The following VWC2 variants were observed in gnomAD, a reference collection of about 807,000 sequenced individuals.
VWC2 encodes von Willebrand factor C domain containing 2, also known as brorin.
VWC2 carries 14 observed loss-of-function variants against 29.8 expected under a neutral mutation model. The ratio of observed to expected loss-of-function variants is 0.47; its 90% CI spans 0.31 to 0.74. The LOEUF (loss-of-function observed/expected upper bound fraction) is 0.74. Among genes scored for constraint, VWC2 ranks in the 30% least tolerant of loss-of-function variants. The pLI, the probability that VWC2 is intolerant of heterozygous loss-of-function variation, is 0.05. For synonymous variants in VWC2, 213 were observed against 199.0 expected, an observed-to-expected ratio of 1.07 and a Z score of -0.59; for missense variants, 457 against 459.8, an observed-to-expected ratio of 0.99 and a Z score of 0.05.
intron 3 of VWC2, among the ~76,000 whole-genome samples, chr7:49,826,331 G>A (rs1437260158): frequency 2.0e-5 from 3 of 152,004 alleles, no homozygotes; most frequent in Admixed American, 2.0e-4. Flanking sequence ...ATAAAATTTT[G>A]TATCCAAAAA....
At chr7:49,801,117 G>A (rs1788727624) in intron 2 of VWC2, among the ~76,000 whole-genome samples, 1 of 152,136 alleles carries the variant, frequency 6.6e-6, no homozygotes, top group Non-Finnish European at 1.5e-5. Context: ...AAAGAGACAT[G>A]GTTAAACTCC....
intron 2 of VWC2, among the ~76,000 whole-genome samples, chr7:49,789,126 TG>T (rs1788394006): frequency 1.4e-5 from 2 of 144,814 alleles, no homozygotes; most frequent in Admixed American, 6.9e-5. Flanking sequence ...GTGTAGTGTG[TG>T]TGTGAATGGA....
At chr7:49,807,985 A>C (rs746934997) in intron 3 of VWC2, among the ~76,000 whole-genome samples, 17 of 152,074 alleles carry the variant, frequency 1.1e-4, no homozygotes, top group Non-Finnish European at 2.1e-4. Flanking sequence ...CATTTTCCCA[A>C]TTCCTCTGGT....
chr7:49,794,029 G>C (rs1290032789), intron 2 of VWC2, among the ~76,000 whole-genome samples: 1 of 152,216 alleles, frequency 6.6e-6, no homozygotes, highest in Admixed American at 6.5e-5. Context: ...AATCAGAGGG[G>C]CTAAGCAGAG....
At chr7:49,835,373 T>C (rs1789632942) in intron 3 of VWC2, among the ~76,000 whole-genome samples, 1 of 152,320 alleles carries the variant, frequency 6.6e-6, no homozygotes, top group Non-Finnish European at 1.5e-5. Flanking sequence ...TTTAAGCTAG[T>C]GACACATGTG....
intron 3 of VWC2, among the ~76,000 whole-genome samples, chr7:49,905,088 C>T (rs1380125542): frequency 6.6e-6 from 1 of 152,178 alleles, no homozygotes; most frequent in African/African-American, 2.4e-5. Flanking sequence ...AGCTAAAAAT[C>T]ACTTAAGATG....
intron 3 of VWC2, among the ~76,000 whole-genome samples, chr7:49,867,835 A>AT (rs1229317602): frequency 0.012 from 1,018 of 82,054 alleles, 3 homozygotes; most frequent in Non-Finnish European, 0.022. Context: ...TTATTTTATT[A>AT]TTTTATTTTA....
chr7:49,867,943 C>T (rs1171414981), intron 3 of VWC2, among the ~76,000 whole-genome samples: 5 of 151,930 alleles, frequency 3.3e-5, no homozygotes, highest in African/African-American at 9.7e-5. Flanking sequence ...AAGCAATTCT[C>T]CTGTCTCAGC....
chr7:49,820,567 C>T (rs1003351659), intron 3 of VWC2, among the ~76,000 whole-genome samples: 11 of 152,152 alleles, frequency 7.2e-5, no homozygotes, highest in Admixed American at 1.3e-4. Flanking sequence ...AGTCTTTGAA[C>T]TAAGTACTCT....
chr7:49,785,991 T>C (rs552631340), intron 2 of VWC2, among the ~76,000 whole-genome samples: 130 of 152,292 alleles, frequency 8.5e-4, no homozygotes, highest in Non-Finnish European at 1.6e-3. Flanking sequence ...GGGGGCAACA[T>C]TGTTTGCCTT....
chr7:49,842,567 G>A (rs770335614), intron 3 of VWC2, among the ~76,000 whole-genome samples: 14 of 152,152 alleles, frequency 9.2e-5, no homozygotes, highest in Non-Finnish European at 1.6e-4. Flanking sequence ...CCTGTAGGAT[G>A]CTTCCAGAAA....
At chr7:49,882,391 T>C (rs868022806) in intron 3 of VWC2, among the ~76,000 whole-genome samples, 1 of 152,298 alleles carries the variant, frequency 6.6e-6, no homozygotes, top group Middle Eastern at 3.4e-3. Context: ...AACCATCCAC[T>C]GTCTTTATTT....
intron 2 of VWC2, among the ~76,000 whole-genome samples, chr7:49,780,867 C>CAATGG (rs1788158932): frequency 6.6e-6 from 1 of 152,132 alleles, no homozygotes; most frequent in African/African-American, 2.4e-5. Flanking sequence ...ATCTGACTTG[C>CAATGG]CATTAACCCC....
intron 3 of VWC2, among the ~76,000 whole-genome samples, chr7:49,835,001 C>G (rs1340548629): frequency 6.6e-6 from 1 of 152,182 alleles, no homozygotes; most frequent in African/African-American, 2.4e-5. Context: ...ACACAGCAGC[C>G]TAGGACACAA....
chr7:49,885,702 T>TA (rs1274316109), intron 3 of VWC2, among the ~76,000 whole-genome samples: 1 of 152,348 alleles, frequency 6.6e-6, no homozygotes, highest in African/African-American at 2.4e-5. Context: ...CAGGAATAGA[T>TA]ACAAGAGTCT....
intron 3 of VWC2, among the ~76,000 whole-genome samples, chr7:49,827,946 A>G (rs2128710742): frequency 6.6e-6 from 1 of 152,332 alleles, no homozygotes; most frequent in South Asian, 2.1e-4. Flanking sequence ...AATCTTGATC[A>G]TTCAATTAAG....
At chr7:49,874,445 A>G (rs1562745352) in intron 3 of VWC2, among the ~76,000 whole-genome samples, 2 of 151,868 alleles carry the variant, frequency 1.3e-5, no homozygotes, top group Admixed American at 6.6e-5. Context: ...TGTACTATCT[A>G]GGTCTGTGCA....
intron 2 of VWC2, among the ~76,000 whole-genome samples, chr7:49,792,732 C>T (rs1788493307): frequency 6.6e-6 from 1 of 152,246 alleles, no homozygotes; most frequent in South Asian, 2.1e-4. Flanking sequence ...TGCATTTTCC[C>T]TCGGGCTTGG....
chr7:49,804,586 G>A (rs887679694), intron 3 of VWC2, among the ~76,000 whole-genome samples: 9 of 152,152 alleles, frequency 5.9e-5, no homozygotes, highest in Admixed American at 2.0e-4. Flanking sequence ...TTAGATAGCC[G>A]GGAATCCTAG....
Sources: gnomAD v4.1 joint callset for allele counts (sites outside exome capture counted in the v4.1 genomes callset) on GRCh38, gnomAD v4.1.1 for gene constraint, MANE v1.5 for transcripts, NCBI Gene and HGNC (gene_info 2026-07-23, HGNC 2026-07-21) for gene names.